ATP13A4: variants seen among roughly 807,000 people sequenced by gnomAD.
ATP13A4 encodes the protein ATPase 13A4.
Under a neutral mutation model 142.5 loss-of-function variants are expected in ATP13A4, and 114 were observed. That is an observed-to-expected ratio of 0.80 (90% confidence interval 0.69 to 0.93). The LOEUF (loss-of-function observed/expected upper bound fraction) is 0.93, where lower values mean the gene tolerates loss of function less well. ATP13A4 is among the 40% of genes least tolerant of loss of function. The pLI is 0.00. For synonymous variants in ATP13A4, 488 were observed against 514.8 expected (o/e 0.95, Z 0.70); for missense variants, 1,392 against 1,454.0 (o/e 0.96, Z 0.69).
At chr3:193,578,512 T>G (rs571949301) in intron 2 of ATP13A4, among the ~76,000 whole-genome samples, 1 of 152,292 alleles carries the variant, frequency 6.6e-6, no homozygotes, top group East Asian at 1.9e-4. Flanking sequence ...ATTTTGTGTG[T>G]CAACTTGACT....
chr3:193,490,268 G>A (rs990513826), intron 6 of ATP13A4, among the ~76,000 whole-genome samples: 6 of 152,170 alleles, frequency 3.9e-5, no homozygotes, highest in Non-Finnish European at 8.8e-5. Context: ...GTATTGACAT[G>A]TCGGCCATCA....
chr3:193,562,024 T>C (rs1456543585), intron 2 of ATP13A4, among the ~76,000 whole-genome samples: 2 of 152,230 alleles, frequency 1.3e-5, no homozygotes, highest in Non-Finnish European at 2.9e-5. Context: ...TGCTGTTGGC[T>C]AGCTGCAAGC....
intron 2 of ATP13A4, among the ~76,000 whole-genome samples, chr3:193,567,610 AC>A (rs767523638): frequency 3.7e-4 from 57 of 152,316 alleles, no homozygotes; most frequent in Non-Finnish European, 6.5e-4. Context: ...AAATAAAGCA[AC>A]CTATGGTCAC....
intron 25 of ATP13A4, among the ~76,000 whole-genome samples, chr3:193,417,263 T>A (rs1206541562): frequency 6.6e-6 from 1 of 152,172 alleles, no homozygotes; most frequent in Non-Finnish European, 1.5e-5. Flanking sequence ...AGATAGCTAC[T>A]CAAACACTTA....
intron 1 of ATP13A4, among the ~76,000 whole-genome samples, chr3:193,545,191 T>C (rs1269058414): frequency 6.6e-6 from 1 of 152,184 alleles, no homozygotes; most frequent in Non-Finnish European, 1.5e-5. Flanking sequence ...CACAATATTA[T>C]CTTCTAAGTA....
At position 193,554,772 on chromosome 3, in the gene ATP13A4, C is replaced by T. The variant is rs139996892; in HGVS notation, c.28G>A (p.Ala10Thr). 4.6e-4 allele frequency: 743 copies of T among 1,613,750 alleles called. No homozygotes were observed. Among genetic ancestry groups the T allele is most frequent in the Non-Finnish European group, 5.9e-4 (695 of 1,179,998 alleles). Residue 10 changes from alanine (A) to threonine (T), a missense_variant, in exon 1 of 30, where the codon GCT becomes ACT. By Grantham distance (58) the Ala-to-Thr change is moderately conservative. Coordinates refer to ENST00000342695, the MANE Select transcript of ATP13A4 (RefSeq NM_032279.4). MGHFEKGQH[A>T]LLNEGEENEM... The stretch of plus-strand genomic sequence containing the variant: ...TTCTCTTCTCCTTCATTGAGCAGAG[C>T]GTGCTGGCCCTTCTCAAAGTGTCCC...
At chr3:193,424,689 C>G (rs575885495) in intron 25 of ATP13A4, among the ~76,000 whole-genome samples, 2 of 149,550 alleles carry the variant, frequency 1.3e-5, no homozygotes, top group Non-Finnish European at 1.5e-5. Context: ...GGATTAAAAA[C>G]TTAAATGTAA....
intron 16 of ATP13A4, among the ~76,000 whole-genome samples, chr3:193,455,182 C>CA (rs891290695): frequency 1.9e-4 from 29 of 150,106 alleles, no homozygotes; most frequent in African/African-American, 6.1e-4. Flanking sequence ...ACTAAAAATA[C>CA]AAAAAAAAAT....
At chr3:193,532,986 G>T (rs1325822933) in intron 1 of ATP13A4, among the ~76,000 whole-genome samples, 1 of 152,116 alleles carries the variant, frequency 6.6e-6, no homozygotes, top group Non-Finnish European at 1.5e-5. Context: ...AAAACTTGAA[G>T]AAAATATTCC....
At chr3:193,436,812 C>A (rs1283773976) in intron 23 of ATP13A4, among the ~76,000 whole-genome samples, 1 of 150,534 alleles carries the variant, frequency 6.6e-6, no homozygotes, top group Admixed American at 6.6e-5. Context: ...GTGTTAAAAC[C>A]TGATCCCCGG....
intron 8 of ATP13A4, among the ~76,000 whole-genome samples, chr3:193,474,455 G>A (rs1718818472): frequency 6.7e-6 from 1 of 150,374 alleles, no homozygotes; most frequent in Non-Finnish European, 1.5e-5. Flanking sequence ...AGGATTACTT[G>A]GGACCAGGAG....
chr3:193,403,501 G>T (rs887842027), intron 29 of ATP13A4, among the ~76,000 whole-genome samples: 1 of 152,138 alleles, frequency 6.6e-6, no homozygotes, highest in Non-Finnish European at 1.5e-5. Flanking sequence ...GCAGGGCAGG[G>T]CAGGGCATAG....
chr3:193,523,500 T>G (rs1379007180), intron 1 of ATP13A4, among the ~76,000 whole-genome samples: 1 of 152,178 alleles, frequency 6.6e-6, no homozygotes, highest in Admixed American at 6.5e-5. Flanking sequence ...GGCCAATGAT[T>G]TAATCAGTTA....
At chr3:193,432,598 T>C (rs1716039993) in intron 25 of ATP13A4, among the ~76,000 whole-genome samples, 1 of 152,060 alleles carries the variant, frequency 6.6e-6, no homozygotes, top group Non-Finnish European at 1.5e-5. Context: ...AAAGACATAG[T>C]TGAACCTTAA....
intron 8 of ATP13A4, among the ~76,000 whole-genome samples, chr3:193,479,972 C>T (rs932529657): frequency 1.1e-4 from 16 of 152,172 alleles, no homozygotes; most frequent in Admixed American, 2.6e-4. Flanking sequence ...CAAACACTTA[C>T]AGCCAACTGA....
intron 25 of ATP13A4, among the ~76,000 whole-genome samples, chr3:193,420,504 C>T (rs1168310689): frequency 6.7e-6 from 1 of 149,626 alleles, no homozygotes; most frequent in African/African-American, 2.5e-5. Context: ...CGATAATTCT[C>T]CAGTAACTGA....
rs369651809 is a variant in ATP13A4, at chr3:193,489,743, T to C, written c.725A>G (p.Tyr242Cys). Residue 242 changes from tyrosine to cysteine, a missense_variant, in exon 7 of 30, where the codon TAT becomes TGT. Transcript: ENST00000342695. Reference sequence around the variant, plus strand: ...AGAAAAACTCACCTCTCTGAGATCATATACTGTCAAAGATATGGAAATTAT... The same window carrying C: ...AGAAAAACTCACCTCTCTGAGATCACATACTGTCAAAGATATGGAAATTAT... ...MSIISISLTV[Y>C]DLREQSVKLH... 1.2e-6 allele frequency: 2 copies of C among 1,609,662 alleles called. No individual in the cohort carries two copies. The highest frequency in any genetic ancestry group is 1.3e-5 in the African/African-American group (1 of 74,808).
chr3:193,549,176 T>A (rs183700807), intron 1 of ATP13A4, among the ~76,000 whole-genome samples: 2 of 152,320 alleles, frequency 1.3e-5, no homozygotes, highest in East Asian at 3.9e-4. Context: ...TAATTTGGCA[T>A]GATGTGTTAA....
At chr3:193,480,672 G>A (rs903137712) in intron 8 of ATP13A4, among the ~76,000 whole-genome samples, 1 of 152,172 alleles carries the variant, frequency 6.6e-6, no homozygotes, top group African/African-American at 2.4e-5. Flanking sequence ...CTTTTACACT[G>A]TTGGTGGGAA....
Sources: allele counts gnomAD v4.1 joint callset (sites outside exome capture counted in the v4.1 genomes callset), GRCh38; gene constraint gnomAD v4.1.1; transcripts MANE v1.5; gene names NCBI Gene and HGNC (gene_info 2026-07-23, HGNC 2026-07-21).